CDH8: variants seen among roughly 807,000 people sequenced by gnomAD.
CDH8 encodes the protein cadherin-8.
Under a neutral mutation model 68.1 loss-of-function variants are expected in CDH8, and 17 were observed. That is an observed-to-expected ratio of 0.25 (90% CI 0.17 to 0.37). CDH8 has a LOEUF of 0.37. CDH8 is among the 10% of genes least tolerant of loss of function. The pLI is 1.00. For missense variants in CDH8, 763 were observed against 999.3 expected, an observed-to-expected ratio of 0.76 and a Z score of 3.19; for synonymous variants, 372 against 365.1, an observed-to-expected ratio of 1.02 and a Z score of -0.21.
chr16:61,728,897 T>A (rs910386652), intron 8 of CDH8, among the ~76,000 whole-genome samples: 1 of 151,148 alleles, frequency 6.6e-6, no homozygotes, highest in Non-Finnish European at 1.5e-5. Flanking sequence ...CTCAGAAATT[T>A]AACACTTTTG....
At chr16:61,908,424 G>A (rs1230177714) in intron 2 of CDH8, among the ~76,000 whole-genome samples, 1 of 152,178 alleles carries the variant, frequency 6.6e-6, no homozygotes, top group African/African-American at 2.4e-5. Flanking sequence ...GCAGGAAGGA[G>A]AAAGAAAAGG....
chr16:61,704,488 A>T (rs1005432766), intron 10 of CDH8, among the ~76,000 whole-genome samples: 1 of 152,222 alleles, frequency 6.6e-6, no homozygotes, highest in African/African-American at 2.4e-5. Flanking sequence ...AATATGGAAG[A>T]TATTTTATAC....
At chr16:62,011,709 A>C (rs1901818291) in intron 2 of CDH8, among the ~76,000 whole-genome samples, 1 of 152,202 alleles carries the variant, frequency 6.6e-6, no homozygotes. Context: ...CCAGGTGTAC[A>C]GATGTTGAAT....
chr16:61,793,367 G>A (rs1188087886), intron 7 of CDH8, among the ~76,000 whole-genome samples: 1 of 151,764 alleles, frequency 6.6e-6, no homozygotes, highest in Non-Finnish European at 1.5e-5. Flanking sequence ...CAGGTCTTAA[G>A]CCTAGTATCC....
intron 2 of CDH8, among the ~76,000 whole-genome samples, chr16:61,993,563 A>T (rs1307824335): frequency 6.6e-6 from 1 of 152,224 alleles, no homozygotes; most frequent in East Asian, 1.9e-4. Flanking sequence ...CAGTAAATAC[A>T]TATGATAAAA....
At chr16:61,767,231 G>T (rs1015325447) in intron 8 of CDH8, among the ~76,000 whole-genome samples, 1 of 151,914 alleles carries the variant, frequency 6.6e-6, no homozygotes, top group Non-Finnish European at 1.5e-5. Flanking sequence ...CATAAGCTAT[G>T]ATTGTTAGCA....
chr16:61,803,808 A>G (rs959827333), intron 7 of CDH8, among the ~76,000 whole-genome samples: 2 of 135,186 alleles, frequency 1.5e-5, no homozygotes, highest in Non-Finnish European at 3.1e-5. Context: ...GAGCACCAAG[A>G]TTTATAAAGC....
At chr16:61,866,333 T>C (rs1191130794) in intron 3 of CDH8, among the ~76,000 whole-genome samples, 6 of 152,128 alleles carry the variant, frequency 3.9e-5, no homozygotes, top group African/African-American at 1.4e-4. Context: ...AGCACCAACT[T>C]AGATGCAAAG....
intron 8 of CDH8, among the ~76,000 whole-genome samples, chr16:61,782,224 G>A (rs1371509672): frequency 6.6e-6 from 1 of 152,172 alleles, no homozygotes; most frequent in African/African-American, 2.4e-5. Flanking sequence ...GCAGGCCAGT[G>A]GGTGCGCGCA....
chr16:61,944,943 A>T (rs1295438736), intron 2 of CDH8, among the ~76,000 whole-genome samples: 1 of 152,168 alleles, frequency 6.6e-6, no homozygotes, highest in Non-Finnish European at 1.5e-5. Context: ...ATTCCTATCA[A>T]TGATAAAGGA....
At chr16:61,770,118 A>T (rs1960740720) in intron 8 of CDH8, among the ~76,000 whole-genome samples, 1 of 151,874 alleles carries the variant, frequency 6.6e-6, no homozygotes, top group African/African-American at 2.4e-5. Flanking sequence ...GTCTCGCATG[A>T]CACATTTCTA....
chr16:61,811,690 T>C (rs1361014889), intron 7 of CDH8, among the ~76,000 whole-genome samples: 4 of 152,192 alleles, frequency 2.6e-5, no homozygotes, highest in African/African-American at 9.7e-5. Flanking sequence ...TAGAGAGACA[T>C]TGAAACACTA....
chr16:62,023,624 G>T (rs1045175378), intron 1 of CDH8, among the ~76,000 whole-genome samples: 1 of 152,124 alleles, frequency 6.6e-6, no homozygotes, highest in Non-Finnish European at 1.5e-5. Flanking sequence ...AAATGAATGA[G>T]CAGAGTGAAG....
rs567070704 is a variant in CDH8, at chr16:61,915,527, C to T, written c.253-14054G>A. Among the ~76,000 whole-genome samples, 5 of 152,260 alleles carry T rather than the reference C, an allele frequency of 3.3e-5. No individual in the cohort carries two copies. In the East Asian group the frequency reaches 7.7e-4, roughly 24 times the overall value. On this transcript the variant is annotated intron_variant, in intron 2 of 11. Coordinates refer to ENST00000577390, the MANE Select transcript of CDH8 (RefSeq NM_001796.5). The stretch of plus-strand genomic sequence containing the variant: ...TGCCTGTTTCATTGTTTCAACATTA[C>T]GCACCAGAACCAAGTACGGGACAGA...
In CDH8 at chr16:61,904,516, G is replaced by A. The variant is rs370818486; in HGVS notation, c.253-3043C>T. ...GGCAGGAGGTGAGCAGCAGATGAGC[G>A]AACATTACTGCTTAAAAAATACTCT... On this transcript the variant is annotated intron_variant, in intron 2 of 11. Coordinates refer to ENST00000577390, the MANE Select transcript of CDH8 (RefSeq NM_001796.5). Among the ~76,000 whole-genome samples the A allele has an allele frequency of 6.6e-5, 10 of 152,270 alleles. No homozygotes were observed. The East Asian group carries it at 7.7e-4, about 12-fold the overall frequency.
In CDH8 at chr16:61,838,757, T is replaced by C. The variant is rs1340699379; in HGVS notation, c.668-13578A>G. Among the ~76,000 whole-genome samples the C allele has an allele frequency of 2.0e-5, 3 of 152,136 alleles. No homozygotes were observed. In the East Asian group the frequency reaches 5.8e-4, roughly 29 times the overall value. ...GTTCAACATACAAAAGAAAAAATCA[T>C]TTTATGCAGAGAAAACATTGTGGGC... On this transcript the variant is annotated intron_variant, in intron 4 of 11. Transcript: ENST00000577390.
chr16:61,872,033 T>C (rs1963380353), intron 3 of CDH8, among the ~76,000 whole-genome samples: 1 of 152,076 alleles, frequency 6.6e-6, no homozygotes, highest in South Asian at 2.1e-4. Context: ...GCTGTGCTTA[T>C]AATGCAAATC....
At chr16:61,959,489 G>A (rs1326227159) in intron 2 of CDH8, among the ~76,000 whole-genome samples, 3 of 149,832 alleles carry the variant, frequency 2.0e-5, no homozygotes, top group Admixed American at 1.3e-4. Context: ...GGACTCTACT[G>A]GTTACTCGCA....
At chr16:61,816,576 C>T (rs990655229) in intron 7 of CDH8, among the ~76,000 whole-genome samples, 5 of 152,100 alleles carry the variant, frequency 3.3e-5, no homozygotes, top group African/African-American at 1.2e-4. Flanking sequence ...CTTGATTTTG[C>T]AACAAATATT....
Sources: gnomAD v4.1 joint callset for allele counts (sites outside exome capture counted in the v4.1 genomes callset) on GRCh38, gnomAD v4.1.1 for gene constraint, MANE v1.5 for transcripts, NCBI Gene and HGNC (gene_info 2026-07-23, HGNC 2026-07-21) for gene names.